SLC6A19: variants seen among roughly 807,000 people sequenced by gnomAD.
SLC6A19 encodes sodium-dependent neutral amino acid transporter B(0)AT1.
A neutral mutation model predicts 68.3 loss-of-function variants in SLC6A19; 67 were observed. The ratio of observed to expected loss-of-function variants is 0.98; its 90% confidence interval spans 0.81 to 1.20. The LOEUF is 1.20. Ranked by LOEUF, SLC6A19 falls within the 50% of genes most tolerant of loss-of-function variation. The pLI, the probability that SLC6A19 is intolerant of heterozygous loss-of-function variation, is 0.00. For synonymous variants in SLC6A19, 392 were observed against 374.9 expected (o/e 1.05, Z -0.53); for missense variants, 813 against 851.6 (o/e 0.95, Z 0.56).
At chr5:1,218,813 C>A in intron 8 of SLC6A19, 90 bp from the exon 9 acceptor site, 1 of 1,362,090 alleles carries the variant, frequency 7.3e-7, no homozygotes, top group African/African-American at 1.4e-5. Flanking sequence ...CCCCATGCTG[C>A]GTGGCTTGGC....
rs1238200018 is a variant in SLC6A19, at chr5:1,212,602, C to T, written c.663+118C>T. The T allele has an allele frequency of 3.8e-6, 5 of 1,305,716 alleles. No individual in the cohort carries two copies. Among genetic ancestry groups the T allele is most frequent in the Non-Finnish European group, 5.3e-6 (5 of 934,880 alleles). The allele number at this position is 1,305,716 out of a possible 1,614,324, so 80.9% of individuals were successfully genotyped here. ...GGGGGTCCCGGGCTCTGCCTTTCCCCAGACCCCACCAAGAGAGCTGCCTTT... is the reference window on the plus strand; with the variant it reads ...GGGGGTCCCGGGCTCTGCCTTTCCCTAGACCCCACCAAGAGAGCTGCCTTT... On this transcript the variant is annotated intron_variant, in intron 4 of 11. Coordinates refer to ENST00000304460, the MANE Select transcript of SLC6A19 (RefSeq NM_001003841.3). This position sits in a 1 kb window ranked among gnomAD's most constrained non-coding sequence, Gnocchi z 5.1.
intron 1 of SLC6A19, among the ~76,000 whole-genome samples, chr5:1,206,144 G>A (rs567731576): frequency 2.6e-5 from 4 of 152,342 alleles, no homozygotes; most frequent in South Asian, 2.1e-4. Flanking sequence ...AAAAGGCTCC[G>A]TGTTAAACTG....
At chr5:1,213,442 C>T in intron 4 of SLC6A19, 21 bp from the exon 5 acceptor site, 1 of 1,573,006 alleles carries the variant, frequency 6.4e-7, no homozygotes, top group Non-Finnish European at 8.6e-7. Flanking sequence ...CCGCCCATCC[C>T]ACATGTCCCG....
Position 1,219,715 on chromosome 5 carries a change from C to T in SLC6A19, c.1538+51C>T, listed in dbSNP as rs1248387067. The stretch of plus-strand genomic sequence containing the variant: ...CCTCTAATGCAGAAAAGCCAGGTCA[C>T]AGGGCGTTCCTGTGAGGGAGGACCC... On this transcript the variant is annotated intron_variant, in intron 10 of 11. Transcript: ENST00000304460. 1.9e-6 allele frequency: 3 copies of T among 1,598,746 alleles called. No homozygotes were observed. In the African/African-American group the frequency reaches 4.0e-5, roughly 21 times the overall value.
chr5:1,219,301 G>T (rs969865399), intron 9 of SLC6A19, among the ~76,000 whole-genome samples, 194 bp downstream of exon 9: 1 of 150,768 alleles, frequency 6.6e-6, no homozygotes, highest in African/African-American at 2.4e-5. Context: ...CAGCCCCCGG[G>T]CGTGTGAACA....
intron 11 of SLC6A19, 108 bp from the exon 12 acceptor site, chr5:1,221,593 C>A: frequency 7.0e-7 from 1 of 1,420,482 alleles, no homozygotes; most frequent in Non-Finnish European, 9.8e-7. Context: ...GCCACCCTGC[C>A]TGCCCCACAG....
rs373263559 is a variant in SLC6A19, at chr5:1,208,913, G to A, written c.343+27G>A. On this transcript the variant is annotated intron_variant, in intron 2 of 11. Coordinates refer to ENST00000304460, the MANE Select transcript of SLC6A19 (RefSeq NM_001003841.3). ...TGAGTGCCTCGGAGCAGTTCCACCC[G>A]GGCCCAGGGGTCGCCTCTGCTGGGA... 178 of 1,596,520 alleles carry A rather than the reference G, an allele frequency of 1.1e-4. No individual in the cohort carries two copies. The African/African-American group carries it at 1.6e-3, about 14-fold the overall frequency.
At chr5:1,204,983 T>C (rs1211592558) in intron 1 of SLC6A19, among the ~76,000 whole-genome samples, 1 of 152,224 alleles carries the variant, frequency 6.6e-6, no homozygotes, top group Non-Finnish European at 1.5e-5. Flanking sequence ...CCTGGTTTCC[T>C]ACTTTTTCAA....
rs1232410669 is a variant in SLC6A19 at position 1,212,503 on chromosome 5, CA to C, written c.663+20del. On this transcript the variant is annotated intron_variant, in intron 4 of 11. Coordinates refer to ENST00000304460, the MANE Select transcript of SLC6A19 (RefSeq NM_001003841.3). This position sits in a 1 kb window ranked among gnomAD's most constrained non-coding sequence, Gnocchi z 5.1. ...CGGGAAGGTACTGCATGGGCCCGGC[CA>C]GGCTGCAGGTGCTCCAGAGGGCGGG... 6.2e-7 allele frequency: 1 copy of C among 1,603,678 alleles called. No individual in the cohort carries two copies. The highest frequency in any genetic ancestry group is 1.1e-5 in the South Asian group (1 of 91,040).
At position 1,221,719 on chromosome 5, in the gene SLC6A19, C is replaced by T. The variant is rs931480607; in HGVS notation, c.1720C>T (p.Gln574Ter). ...TCCCCAGGAGGAATTTCCCAAATCC[C>T]AGAAGATCTCCTACCCGAACTGGGT... ...DPGYEEFPKS[Q>*]KISYPNWVYV... The change falls in exon 12 of 12, where the codon CAG becomes TAG. Residue 574 changes from glutamine to a stop codon, truncating the protein, a stop_gained. Transcript: ENST00000304460. LOFTEE classifies it low-confidence loss of function (END_TRUNC). 6.2e-7 allele frequency: 1 copy of T among 1,614,024 alleles called. No homozygotes were observed. The highest frequency in any genetic ancestry group is 8.5e-7 in the Non-Finnish European group (1 of 1,179,906).
intron 1 of SLC6A19, among the ~76,000 whole-genome samples, chr5:1,206,564 G>A (rs1398174209): frequency 6.6e-6 from 1 of 152,214 alleles, no homozygotes; most frequent in African/African-American, 2.4e-5. Flanking sequence ...AATGGAGGGA[G>A]CTCAGGGTGT....
chr5:1,210,766 C>T (rs1030714461), intron 3 of SLC6A19, among the ~76,000 whole-genome samples, 185 bp downstream of exon 3: 5 of 152,194 alleles, frequency 3.3e-5, no homozygotes, highest in East Asian at 1.9e-4. Flanking sequence ...GTGTGGGGGG[C>T]GTGGTGGAGG....
intron 1 of SLC6A19, among the ~76,000 whole-genome samples, chr5:1,205,632 G>T (rs935016918): frequency 7.9e-5 from 12 of 152,376 alleles, no homozygotes; most frequent in African/African-American, 2.9e-4. Context: ...TGGAGATGAA[G>T]CGATAGGAAG....
chr5:1,206,931 C>A (rs1260355536), intron 1 of SLC6A19, among the ~76,000 whole-genome samples: 1 of 152,196 alleles, frequency 6.6e-6, no homozygotes, highest in Non-Finnish European at 1.5e-5. Context: ...GGAATTCTTG[C>A]GCCGTTGCAG....
rs181455524 is a variant in SLC6A19, at chr5:1,215,720, C to T, written c.888-838C>T. Among the ~76,000 whole-genome samples the T allele has an allele frequency of 1.3e-4, 20 of 152,240 alleles. No homozygotes were observed. In the East Asian group the frequency reaches 1.7e-3, roughly 13 times the overall value. On this transcript the variant is annotated intron_variant, in intron 6 of 11. Coordinates refer to ENST00000304460, the MANE Select transcript of SLC6A19 (RefSeq NM_001003841.3). This position sits in a 1 kb window ranked among gnomAD's most constrained non-coding sequence, Gnocchi z 5.1. ...GCCTGTGTGTACGCGTTTTTGTGGA[C>T]GCATGCTTTCGTTCTTCTGGGTGTG...
At position 1,214,001 on chromosome 5, in the gene SLC6A19, G is replaced by A. The variant is rs746472432; in HGVS notation, c.823G>A (p.Val275Ile). Residue 275 changes from valine to isoleucine, a missense_variant, in exon 6 of 12, where the codon GTC (valine) becomes ATC (isoleucine). Transcript: ENST00000304460. The surrounding 1 kb of genome is among the most constrained non-coding windows in gnomAD (Gnocchi z 7.4). ...CACCTGGCTGGACGCGGGCGCACAG[G>A]TCTTCTTCTCCTTCTCCCTGGCCTT... ...PDTWLDAGAQ[V>I]FFSFSLAFGG... 5 of 1,613,710 alleles carry A rather than the reference G, an allele frequency of 3.1e-6. No homozygotes were observed. Among genetic ancestry groups the A allele is most frequent in the East Asian group, 2.2e-5 (1 of 44,876 alleles).
intron 1 of SLC6A19, among the ~76,000 whole-genome samples, chr5:1,206,975 G>A (rs374453512): frequency 3.9e-5 from 6 of 152,278 alleles, no homozygotes; most frequent in South Asian, 2.1e-4. Context: ...TGTCGGCTTC[G>A]CTGTGCTCAC....
rs1471284396 is a variant in SLC6A19 at position 1,215,889 on chromosome 5, A to T, written c.888-669A>T. On this transcript the variant is annotated intron_variant, in intron 6 of 11. Transcript: ENST00000304460. The surrounding 1 kb of genome is among the most constrained non-coding windows in gnomAD (Gnocchi z 5.1). The stretch of plus-strand genomic sequence containing the variant: ...CCAGTTTCCCCGTATCCTCACCAAC[A>T]CTTGTTATTGTCTGACTTTTGTTTC... Among the ~76,000 whole-genome samples the T allele has an allele frequency of 6.6e-6, 1 of 151,356 alleles. No individual in the cohort carries two copies. The highest frequency in any genetic ancestry group is 1.5e-5 in the Non-Finnish European group (1 of 67,844).
At position 1,212,455 on chromosome 5, in the gene SLC6A19, A is replaced by T. The variant is rs1212898930; in HGVS notation, c.634A>T (p.Thr212Ser). The T allele has an allele frequency of 1.9e-6, 3 of 1,609,282 alleles. No individual in the cohort carries two copies. Among genetic ancestry groups the T allele is most frequent in the Non-Finnish European group, 8.5e-7 (1 of 1,179,806 alleles). ...ACAWSVLYMC[T>S]IRGIETTGKA... Reference sequence around the variant, plus strand: ...CGCATGGAGCGTCCTGTACATGTGCACCATCCGCGGCATCGAGACCACCGG... The same window carrying T: ...CGCATGGAGCGTCCTGTACATGTGCTCCATCCGCGGCATCGAGACCACCGG... The change falls in exon 4 of 12, where the codon ACC (threonine) becomes TCC (serine). Residue 212 changes from threonine (T) to serine (S), a missense_variant. Coordinates refer to ENST00000304460, the MANE Select transcript of SLC6A19 (RefSeq NM_001003841.3). This position sits in a 1 kb window ranked among gnomAD's most constrained non-coding sequence, Gnocchi z 5.1.
Sources: allele counts gnomAD v4.1 joint callset (sites outside exome capture counted in the v4.1 genomes callset), GRCh38; gene constraint gnomAD v4.1.1; non-coding constraint Gnocchi (gnomAD v3.1); transcripts MANE v1.5; gene names NCBI Gene and HGNC (gene_info 2026-07-23, HGNC 2026-07-21).